FOXP2: variants seen among roughly 807,000 people sequenced by gnomAD.
FOXP2 encodes the protein forkhead box protein P2.
Under a neutral mutation model 115.8 loss-of-function variants are expected in FOXP2, and 12 were observed. That is an observed-to-expected ratio of 0.10 (90% CI 0.07 to 0.17). The LOEUF is 0.17. Among genes scored for constraint, FOXP2 ranks in the 10% least tolerant of loss-of-function variants. FOXP2 has a pLI of 1.00. For synonymous variants in FOXP2, 328 were observed against 297.7 expected, an observed-to-expected ratio of 1.10 and a Z score of -1.05; for missense variants, 629 against 843.5, an observed-to-expected ratio of 0.75 and a Z score of 3.15.
chr7:114,430,134 C>T (rs925154340), intron 2 of FOXP2, among the ~76,000 whole-genome samples: 22 of 151,586 alleles, frequency 1.5e-4, no homozygotes, highest in African/African-American at 4.6e-4. Flanking sequence ...ATAACAGCCA[C>T]GATAACCTCT....
intron 1 of FOXP2, among the ~76,000 whole-genome samples, chr7:114,225,464 A>C (rs1193716628): frequency 1.3e-5 from 2 of 151,832 alleles, no homozygotes; most frequent in Non-Finnish European, 2.9e-5. Flanking sequence ...TTCTTTTTAG[A>C]GGCAGGGTCT....
intron 2 of FOXP2, among the ~76,000 whole-genome samples, chr7:114,372,645 T>A (rs987070231): frequency 7.2e-5 from 11 of 152,176 alleles, no homozygotes; most frequent in Non-Finnish European, 1.6e-4. Context: ...AATTAGTAAC[T>A]GATGAGCCAG....
chr7:114,545,597 G>A (rs1306386067), intron 3 of FOXP2, among the ~76,000 whole-genome samples: 5 of 152,128 alleles, frequency 3.3e-5, no homozygotes, highest in Non-Finnish European at 5.9e-5. Context: ...AAGATGGATT[G>A]TATAGTATCA....
chr7:114,137,599 T>C (rs1328342727), intron 1 of FOXP2, among the ~76,000 whole-genome samples: 2 of 152,064 alleles, frequency 1.3e-5, no homozygotes, highest in African/African-American at 4.8e-5. Flanking sequence ...TGAAGTTCAG[T>C]TTATAAAAGT....
At chr7:114,605,382 A>G (rs181512678) in intron 3 of FOXP2, among the ~76,000 whole-genome samples, 1 of 152,328 alleles carries the variant, frequency 6.6e-6, no homozygotes, top group Admixed American at 6.5e-5. Context: ...TAATAACCTC[A>G]AGGAATATTT....
chr7:114,479,286 A>G (rs1455142647), intron 2 of FOXP2, among the ~76,000 whole-genome samples: 1 of 151,722 alleles, frequency 6.6e-6, no homozygotes, highest in Non-Finnish European at 1.5e-5. Context: ...AGTCCTGAAC[A>G]TCACAGACAC....
chr7:114,688,481 G>T (rs1808492471), intron 16 of FOXP2, among the ~76,000 whole-genome samples: 1 of 152,198 alleles, frequency 6.6e-6, no homozygotes, highest in Non-Finnish European at 1.5e-5. Context: ...CCAAGAGATG[G>T]CTGGCAGGTT....
intron 14 of FOXP2, 119 bp downstream of exon 14, chr7:114,662,305 C>A: frequency 2.2e-6 from 3 of 1,346,454 alleles, no homozygotes; most frequent in African/African-American, 1.5e-5. Flanking sequence ...ATTCTCGTGG[C>A]AATGAACTGC....
chr7:114,435,485 T>C (rs1157672902), intron 2 of FOXP2, among the ~76,000 whole-genome samples: 1 of 152,008 alleles, frequency 6.6e-6, no homozygotes, highest in Non-Finnish European at 1.5e-5. Context: ...TTGGAATAGG[T>C]AGGCTAGATA....
chr7:114,091,297 A>C (rs1289831604), intron 1 of FOXP2, among the ~76,000 whole-genome samples: 2 of 151,844 alleles, frequency 1.3e-5, no homozygotes, highest in Non-Finnish European at 3.0e-5. Flanking sequence ...AGCTGGAGAG[A>C]GTTTTTAGAG....
intron 2 of FOXP2, among the ~76,000 whole-genome samples, chr7:114,391,284 G>A (rs1462729686): frequency 1.3e-5 from 2 of 152,178 alleles, no homozygotes; most frequent in African/African-American, 4.8e-5. Context: ...TTTAGACTGG[G>A]CATGCATCTG....
chr7:114,673,542 T>G (rs937045161), intron 16 of FOXP2, among the ~76,000 whole-genome samples: 1 of 152,234 alleles, frequency 6.6e-6, no homozygotes, highest in African/African-American at 2.4e-5. Flanking sequence ...ATCTAGTTCC[T>G]TTAAACAATA....
intron 2 of FOXP2, among the ~76,000 whole-genome samples, chr7:114,349,751 G>C (rs530856887): frequency 2.5e-4 from 38 of 152,120 alleles, no homozygotes; most frequent in African/African-American, 6.7e-4. Context: ...TGTGAAAATA[G>C]AAGAAATAAT....
chr7:114,547,435 G>T (rs1238831253), intron 3 of FOXP2, among the ~76,000 whole-genome samples: 1 of 152,150 alleles, frequency 6.6e-6, no homozygotes, highest in Non-Finnish European at 1.5e-5. Context: ...CCGGAAGTGA[G>T]ATACCTGCTT....
At chr7:114,462,258 C>A (rs1180742584) in intron 2 of FOXP2, among the ~76,000 whole-genome samples, 1 of 99,880 alleles carries the variant, frequency 1.0e-5, no homozygotes, top group Non-Finnish European at 1.8e-5. Flanking sequence ...TCCAGCCTGG[C>A]GACAGAACGA....
intron 2 of FOXP2, among the ~76,000 whole-genome samples, chr7:114,515,700 T>C (rs1356039772): frequency 6.6e-6 from 1 of 152,120 alleles, no homozygotes; most frequent in Non-Finnish European, 1.5e-5. Context: ...TTTCTTTTGC[T>C]GTGCAGAAGC....
At chr7:114,184,773 T>C (rs1367795717) in intron 1 of FOXP2, among the ~76,000 whole-genome samples, 3 of 152,194 alleles carry the variant, frequency 2.0e-5, no homozygotes, top group Admixed American at 1.3e-4. Context: ...GTAATATATA[T>C]GCAAAACTGC....
intron 3 of FOXP2, among the ~76,000 whole-genome samples, chr7:114,625,146 G>A (rs989135334): frequency 6.6e-6 from 1 of 151,564 alleles, no homozygotes; most frequent in Non-Finnish European, 1.5e-5. Flanking sequence ...AAATCTGTCA[G>A]CAAAGTAAAT....
In FOXP2 at chr7:114,428,772, C is replaced by T. The variant is rs546498845; in HGVS notation, c.168+2093C>T. Reference sequence around the variant, plus strand: ...ACATATCTTTTCTATAAAATTGATGCAGTTATTGCCTTTAATTCTAACATT... The same window carrying T: ...ACATATCTTTTCTATAAAATTGATGTAGTTATTGCCTTTAATTCTAACATT... On this transcript the variant is annotated intron_variant, in intron 2 of 16. Coordinates refer to ENST00000350908, the MANE Select transcript of FOXP2 (RefSeq NM_014491.4). Among the ~76,000 whole-genome samples the T allele has an allele frequency of 3.6e-4, 55 of 151,456 alleles. 1 individual carries two copies. In the Middle Eastern group the frequency reaches 0.017, roughly 47 times the overall value.
Sources: gnomAD v4.1 joint callset for allele counts (sites outside exome capture counted in the v4.1 genomes callset) on GRCh38, gnomAD v4.1.1 for gene constraint, MANE v1.5 for transcripts, NCBI Gene and HGNC (gene_info 2026-07-23, HGNC 2026-07-21) for gene names.